Variants in CRTC1 observed in about 807,000 individuals in gnomAD.
CRTC1 encodes the protein CREB regulated transcription coactivator 1.
In CRTC1, 18 loss-of-function variants were observed where a neutral mutation model predicts 66.1. That is an observed-to-expected ratio of 0.27 (90% CI 0.19 to 0.40). The LOEUF is 0.40. CRTC1 is among the 10% of genes least tolerant of loss of function. The probability of loss-of-function intolerance (pLI) is 1.00; values close to 1 mark genes in which losing one functional copy is unlikely to be tolerated. For missense variants in CRTC1, 669 were observed against 887.9 expected (o/e 0.75, Z 3.13); for synonymous variants, 416 against 398.8 (o/e 1.04, Z -0.51).
intron 1 of CRTC1, among the ~76,000 whole-genome samples, chr19:18,704,626 C>T (rs1283297143): frequency 3.9e-5 from 6 of 152,040 alleles, no homozygotes; most frequent in Non-Finnish European, 7.4e-5. Flanking sequence ...GCAGGAGAAT[C>T]GCTTGAACCC....
intron 1 of CRTC1, among the ~76,000 whole-genome samples, chr19:18,688,679 C>T (rs1415439298): frequency 6.6e-6 from 1 of 151,902 alleles, no homozygotes; most frequent in Non-Finnish European, 1.5e-5. Flanking sequence ...CTCAGGTGAT[C>T]CGCCCACCTC....
At chr19:18,735,411 G>C (rs1005161423) in intron 1 of CRTC1, among the ~76,000 whole-genome samples, 2 of 152,196 alleles carry the variant, frequency 1.3e-5, no homozygotes, top group Non-Finnish European at 2.9e-5. Context: ...GGGACCCCCC[G>C]GGGAGCGGGG....
rs61752711 is a variant in CRTC1, at chr19:18,765,459, G to A, written c.942G>A (p.Leu314=). The A allele has an allele frequency of 1.3e-4, 214 of 1,612,334 alleles. No individual in the cohort carries two copies. Among genetic ancestry groups the A allele is most frequent in the Non-Finnish European group, 1.6e-4 (188 of 1,179,818 alleles). ...PQHRPAGVSP[L]SLSTEARRQQ... is the part of the protein sequence containing the mutation. The stretch of plus-strand genomic sequence containing the variant: ...ACCGCCCAGCTGGCGTCAGCCCCCT[G>A]TCCCTGAGCACAGAGGCAAGGCGTC... The change falls in exon 9 of 14, where the codon CTG becomes CTA. Residue 314 remains leucine, a synonymous_variant. Transcript: ENST00000321949.
chr19:18,706,516 T>G (rs2053270382), intron 1 of CRTC1, among the ~76,000 whole-genome samples: 2 of 152,126 alleles, frequency 1.3e-5, no homozygotes, highest in African/African-American at 4.8e-5. Context: ...CCCATTGGTC[T>G]TTATGTTTCT....
chr19:18,777,750 C>T lies in CRTC1; in HGVS notation c.*368C>T, dbSNP rs907924853. 8 of 345,054 alleles carry T rather than the reference C, an allele frequency of 2.3e-5. No homozygotes were observed. Among genetic ancestry groups the T allele is most frequent in the African/African-American group, 6.5e-5 (3 of 46,086 alleles). 21.4% of individuals were successfully genotyped at this position (345,054 alleles called of 1,614,324 possible). ...GGCGGGCAGGCTCAGGGGAGGGGCG[C>T]GCATGGTCCGCCAGGGCTGTGGGCC... On this transcript the variant is annotated 3_prime_UTR_variant, in exon 14 of 14. Transcript: ENST00000321949. This position sits in a 1 kb window ranked among gnomAD's most constrained non-coding sequence, Gnocchi z 5.5.
chr19:18,703,918 G>A (rs2053203233), intron 1 of CRTC1, among the ~76,000 whole-genome samples: 1 of 152,198 alleles, frequency 6.6e-6, no homozygotes, highest in Non-Finnish European at 1.5e-5. Flanking sequence ...TTTAGTCAAA[G>A]CATCTCCTTT....
intron 1 of CRTC1, among the ~76,000 whole-genome samples, chr19:18,702,338 G>C (rs1324875291): frequency 1.3e-5 from 2 of 151,886 alleles, no homozygotes; most frequent in African/African-American, 4.8e-5. Context: ...TCCTGCCTCA[G>C]CCGCCTGAGT....
rs1316815213 is a variant in CRTC1, at chr19:18,683,841, C to T, written c.126+13C>T. The T allele has an allele frequency of 5.7e-6, 7 of 1,233,156 alleles. No homozygotes were observed. The African/African-American group carries it at 8.2e-5, about 14-fold the overall frequency. The allele number at this position is 1,233,156 out of a possible 1,614,324, so 76.4% of individuals were successfully genotyped here. ...GCGGGCCGCGCGGGTAAGGGGGCTG[C>T]CCGCGCCGACCCTTCAGGGCCGGCG... On this transcript the variant is annotated intron_variant, in intron 1 of 13. Transcript: ENST00000321949.
chr19:18,699,671 C>G lies in CRTC1; in HGVS notation c.126+15843C>G, dbSNP rs987653919. Among the ~76,000 whole-genome samples the G allele has an allele frequency of 3.9e-5, 6 of 152,206 alleles. No homozygotes were observed. In the East Asian group the frequency reaches 1.2e-3, roughly 29 times the overall value. On this transcript the variant is annotated intron_variant, in intron 1 of 13. Coordinates refer to ENST00000321949, the MANE Select transcript of CRTC1 (RefSeq NM_015321.3). The stretch of plus-strand genomic sequence containing the variant: ...GAAGCCACACCTGTGCCAGCTGGCC[C>G]TGCCCCTGAGGTTGCGGCTCTGAGC...
intron 1 of CRTC1, among the ~76,000 whole-genome samples, chr19:18,704,737 T>TA (rs2053222862): frequency 6.6e-6 from 1 of 152,098 alleles, no homozygotes; most frequent in South Asian, 2.1e-4. Context: ...ACAAAACAAA[T>TA]ACACATAACG....
intron 1 of CRTC1, among the ~76,000 whole-genome samples, chr19:18,740,158 TGAGA>T: frequency 6.6e-6 from 1 of 151,542 alleles, no homozygotes; most frequent in Non-Finnish European, 1.5e-5. Context: ...GAAGCTGAGG[TGAGA>T]GAATCGCTTG....
intron 9 of CRTC1, among the ~76,000 whole-genome samples, chr19:18,766,845 T>C (rs954436945): frequency 1.3e-5 from 2 of 152,268 alleles, no homozygotes; most frequent in Admixed American, 1.3e-4. Flanking sequence ...ACCTAATCAA[T>C]GCAGCTTCAT....
chr19:18,738,293 G>C (rs2054041150), intron 1 of CRTC1, among the ~76,000 whole-genome samples: 1 of 151,838 alleles, frequency 6.6e-6, no homozygotes, highest in African/African-American at 2.4e-5. Flanking sequence ...CTCCAGCCTG[G>C]GTGACAGAGT....
At position 18,760,573 on chromosome 19, in the gene CRTC1, T is replaced by G. The variant is rs141825185; in HGVS notation, c.886+345T>G. Among the ~76,000 whole-genome samples the G allele has an allele frequency of 6.6e-6, 1 of 151,590 alleles. No homozygotes were observed. Among genetic ancestry groups the G allele is most frequent in the African/African-American group, 2.4e-5 (1 of 41,252 alleles). On this transcript the variant is annotated intron_variant, in intron 8 of 13. Transcript: ENST00000321949. This position sits in a 1 kb window ranked among gnomAD's most constrained non-coding sequence, Gnocchi z 6.2. ...GCCCCTCCTCGACCCCAGCCCCTCA[T>G]TGGGGGGCGGGACCAGGCCTGACCT...
At position 18,760,893 on chromosome 19, in the gene CRTC1, C is replaced by A. The variant is rs781474426; in HGVS notation, c.886+665C>A. Among the ~76,000 whole-genome samples the A allele has an allele frequency of 1.8e-4, 28 of 152,004 alleles. No individual in the cohort carries two copies. The highest frequency in any genetic ancestry group is 6.5e-4 in the Admixed American group (10 of 15,276). ...TGTCGGTTCCGCCCTCAGGACCTGGCCTGACCTGGCTCCTCTCCCCAGGCC... is the reference window on the plus strand; with the variant it reads ...TGTCGGTTCCGCCCTCAGGACCTGGACTGACCTGGCTCCTCTCCCCAGGCC... On this transcript the variant is annotated intron_variant, in intron 8 of 13. Coordinates refer to ENST00000321949, the MANE Select transcript of CRTC1 (RefSeq NM_015321.3). The surrounding 1 kb of genome is among the most constrained non-coding windows in gnomAD (Gnocchi z 6.2).
chr19:18,704,905 AC>A (rs1244447306), intron 1 of CRTC1, among the ~76,000 whole-genome samples: 178 of 37,134 alleles, frequency 4.8e-3, no homozygotes, highest in Non-Finnish European at 8.9e-3. Context: ...CCCACCCCCT[AC>A]CCCCCAATCC....
intron 1 of CRTC1, among the ~76,000 whole-genome samples, chr19:18,727,580 C>CAAAAAAAAAAAAAAAAAAAAAA (rs60907638): frequency 1.9e-5 from 1 of 51,810 alleles, no homozygotes. Flanking sequence ...GACTCTGTCT[C>CAAAAAAAAAAAAAAAAAAAAAA]AAAAAAAAAA....
intron 8 of CRTC1, among the ~76,000 whole-genome samples, chr19:18,762,215 G>A (rs528767033): frequency 1.4e-4 from 21 of 152,322 alleles, no homozygotes; most frequent in Non-Finnish European, 2.9e-4. Context: ...CCCAGCGCCC[G>A]CCCGGGAGCT....
At chr19:18,732,959 C>T (rs1356883484) in intron 1 of CRTC1, among the ~76,000 whole-genome samples, 2 of 151,718 alleles carry the variant, frequency 1.3e-5, no homozygotes, top group African/African-American at 4.8e-5. Flanking sequence ...TGGTGGCGGG[C>T]ACCTATAGTC....
Sources: gnomAD v4.1 joint callset for allele counts (sites outside exome capture counted in the v4.1 genomes callset) on GRCh38, gnomAD v4.1.1 for gene constraint, Gnocchi (gnomAD v3.1) non-coding constraint, MANE v1.5 for transcripts, NCBI Gene and HGNC (gene_info 2026-07-23, HGNC 2026-07-21) for gene names.